Variants in PHEX observed in about 807,000 individuals in gnomAD.
The protein encoded by PHEX is phosphate regulating endopeptidase X-linked.
In PHEX, 16 loss-of-function variants were observed where a neutral mutation model predicts 68.0. The ratio of observed to expected loss-of-function variants is 0.24; its 90% confidence interval spans 0.16 to 0.36. The LOEUF (loss-of-function observed/expected upper bound fraction) is 0.36. Among genes scored for constraint, PHEX ranks in the 10% least tolerant of loss-of-function variants. The pLI is 1.00. For synonymous variants in PHEX, 208 were observed against 205.1 expected, an observed-to-expected ratio of 1.01 and a Z score of -0.12; for missense variants, 480 against 575.5, an observed-to-expected ratio of 0.83 and a Z score of 1.70.
At chrX:22,242,632 T>C (rs184525821) in intron 20 of PHEX, among the ~76,000 whole-genome samples, 143 of 111,155 alleles carry the variant, frequency 1.3e-3, no homozygotes, top group African/African-American at 3.9e-3. Context: ...TATACACCAA[T>C]AACAGACAAA....
At chrX:22,218,578 A>T (rs1403965439) in intron 16 of PHEX, among the ~76,000 whole-genome samples, 4 of 111,782 alleles carry the variant, frequency 3.6e-5, no homozygotes, top group Non-Finnish European at 7.5e-5. Flanking sequence ...TTTTTTTATG[A>T]CTACATTTGG....
At chrX:22,119,948 C>T (rs750295138) in intron 11 of PHEX, among the ~76,000 whole-genome samples, 1 of 110,843 alleles carries the variant, frequency 9.0e-6, no homozygotes, top group African/African-American at 3.3e-5. Flanking sequence ...AAGTAAGTGC[C>T]CCAGGTAGAT....
chrX:22,051,344 A>G (rs1454135338), intron 3 of PHEX, among the ~76,000 whole-genome samples: 1 of 111,588 alleles, frequency 9.0e-6, no homozygotes, highest in Non-Finnish European at 1.9e-5. Context: ...CAGCCTGGCC[A>G]ATGTGGCGAA....
chrX:22,241,770 G>A (rs1936205784), intron 20 of PHEX, among the ~76,000 whole-genome samples: 2 of 111,817 alleles, frequency 1.8e-5, no homozygotes, highest in Non-Finnish European at 3.8e-5. Flanking sequence ...CTGAAATTGA[G>A]GTAGCAATTA....
At chrX:22,204,796 C>G (rs184585522) in intron 15 of PHEX, among the ~76,000 whole-genome samples, 2 of 111,553 alleles carry the variant, frequency 1.8e-5, no homozygotes, top group East Asian at 5.6e-4. Flanking sequence ...CAGAAGGTAA[C>G]TACAAGGGAA....
At chrX:22,132,110 T>C (rs1374056641) in intron 11 of PHEX, among the ~76,000 whole-genome samples, 2 of 111,001 alleles carry the variant, frequency 1.8e-5, no homozygotes, top group African/African-American at 3.3e-5. Flanking sequence ...TTTATTATTA[T>C]TTTTTTAGAG....
chrX:22,077,927 G>A (rs1180548062), intron 5 of PHEX, among the ~76,000 whole-genome samples: 1 of 112,073 alleles, frequency 8.9e-6, no homozygotes, highest in South Asian at 3.7e-4. Flanking sequence ...AGTTTCAAGT[G>A]ATCTGTGATC....
At chrX:22,230,229 CTTTTTTT>C (rs140475343) in intron 20 of PHEX, among the ~76,000 whole-genome samples, 4 of 10,934 alleles carry the variant, frequency 3.7e-4, no homozygotes, top group Non-Finnish European at 5.4e-4. Flanking sequence ...TATATGGGCT[CTTTTTTT>C]TTTTTTTTTT....
intron 3 of PHEX, among the ~76,000 whole-genome samples, chrX:22,048,960 A>G (rs1442962088): frequency 3.6e-5 from 4 of 111,907 alleles, no homozygotes; most frequent in Non-Finnish European, 7.5e-5. Flanking sequence ...ATAACTTCAT[A>G]TGCACACCTA....
At chrX:22,064,999 G>C (rs1428617155) in intron 3 of PHEX, among the ~76,000 whole-genome samples, 1 of 112,310 alleles carries the variant, frequency 8.9e-6, no homozygotes, top group Non-Finnish European at 1.9e-5. Flanking sequence ...AATTTGTAAT[G>C]ATGGACTATT....
At chrX:22,042,544 G>A (rs1479314494) in intron 2 of PHEX, among the ~76,000 whole-genome samples, 2 of 112,344 alleles carry the variant, frequency 1.8e-5, no homozygotes, top group Non-Finnish European at 3.8e-5. Flanking sequence ...CAGCACTTTG[G>A]GACGCTGAGG....
rs375593493 is a variant in PHEX at position 22,168,313 on chromosome X, C to T, written c.1406C>T (p.Ala469Val). Residue 469 changes from alanine to valine, a missense_variant and splice_region_variant, in exon 13 of 22, where the codon GCG becomes GTG. Coordinates refer to ENST00000379374, the MANE Select transcript of PHEX (RefSeq NM_000444.6). The stretch of plus-strand genomic sequence containing the variant: ...TATTTTTCTTTTTCCTTTTTGTAGG[C>T]GAGAGCTGTTTTGGCAAAAGTTGGC... Reference protein sequence around the residue: ...AGTKRKAKEKARAVLAKVGYP... With the variant: ...AGTKRKAKEKVRAVLAKVGYP... 8.2e-5 allele frequency: 97 copies of T among 1,179,772 alleles called. No individual in the cohort carries two copies. The highest frequency in any genetic ancestry group is 1.6e-4 in the African/African-American group (9 of 56,577).
Position 22,047,955 on chromosome X carries a change from G to GT in PHEX, c.349+755dup, listed in dbSNP as rs11349562. 5.8e-4 allele frequency among the ~76,000 whole-genome samples: 60 copies of GT among 103,089 alleles called. 1 individual carries two copies. The highest frequency in any genetic ancestry group is 2.3e-3 in the Admixed American group (22 of 9,455). The allele number at this position is 103,089 out of a possible 115,157, so 89.5% of individuals were successfully genotyped here. On this transcript the variant is annotated intron_variant, in intron 3 of 21. Coordinates refer to ENST00000379374, the MANE Select transcript of PHEX (RefSeq NM_000444.6). ...ATTTTGAGAAGGCAAAAATAGTATGGTTTTTTTTTTTGGCTCTTTTTGACA... is the reference window on the plus strand; with the variant it reads ...ATTTTGAGAAGGCAAAAATAGTATGGTTTTTTTTTTTTGGCTCTTTTTGACA...
At position 22,195,316 on chromosome X, in the gene PHEX, G is replaced by A. The variant is rs574678370; in HGVS notation, c.1645+4814G>A. ...TTTTGCCCTCAAGAGATCTTAGGCC[G>A]GGCATGGTGGCTCACGCCTGTAATC... is the stretch of plus-strand genomic sequence containing the variant. On this transcript the variant is annotated intron_variant, in intron 15 of 21. Transcript: ENST00000379374. Among the ~76,000 whole-genome samples, 50 of 111,921 alleles carry A rather than the reference G, an allele frequency of 4.5e-4. No individual in the cohort carries two copies. In the South Asian group the frequency reaches 0.017, roughly 37 times the overall value.
At chrX:22,039,467 T>C (rs1437396097) in intron 2 of PHEX, among the ~76,000 whole-genome samples, 2 of 112,137 alleles carry the variant, frequency 1.8e-5, no homozygotes, top group Admixed American at 9.5e-5. Context: ...GAATATCCCA[T>C]CCCGAGATGG....
At chrX:22,170,517 G>A (rs6653657) in intron 13 of PHEX, among the ~76,000 whole-genome samples, 6,064 of 111,314 alleles carry the variant, frequency 0.054, 372 homozygotes, top group African/African-American at 0.19. Context: ...GATCAAATAA[G>A]TTAACATATT....
At chrX:22,209,988 G>T (rs1206899793) in intron 15 of PHEX, among the ~76,000 whole-genome samples, 2 of 110,112 alleles carry the variant, frequency 1.8e-5, no homozygotes, top group African/African-American at 6.6e-5. Context: ...AAATAAAATG[G>T]ATATGAAAGA....
chrX:22,245,617 ACT>A (rs776111231), intron 21 of PHEX, among the ~76,000 whole-genome samples: 4 of 111,604 alleles, frequency 3.6e-5, no homozygotes, highest in African/African-American at 6.5e-5. Flanking sequence ...TTTAGTCAGC[ACT>A]CTCTCACCTG....
rs146178748 is a variant in PHEX, at chrX:22,231,642, A to T, written c.2070+4031A>T. ...ATCCCCTTTATCATTTTTTATTGCG[A>T]CTATTTGATTCTTCTCTCCCTTATT... On this transcript the variant is annotated intron_variant, in intron 20 of 21. Transcript: ENST00000379374. Among the ~76,000 whole-genome samples, 236 of 110,160 alleles carry T rather than the reference A, an allele frequency of 2.1e-3. 2 individuals carry two copies. Among genetic ancestry groups the T allele is most frequent in the African/African-American group, 7.1e-3 (215 of 30,113 alleles).
Sources: allele counts gnomAD v4.1 joint callset (sites outside exome capture counted in the v4.1 genomes callset), GRCh38; gene constraint gnomAD v4.1.1; transcripts MANE v1.5; gene names NCBI Gene and HGNC (gene_info 2026-07-23, HGNC 2026-07-21).